The following CPSF7 variants were observed in gnomAD, a reference collection of about 807,000 sequenced individuals.
CPSF7 encodes cleavage and polyadenylation specific factor 7, also known as cleavage and polyadenylation specificity factor subunit 7.
A neutral mutation model predicts 44.3 loss-of-function variants in CPSF7; 1 was observed. That is an observed-to-expected ratio of 0.02 (90% CI 0.01 to 0.11). The LOEUF is 0.11. Ranked by LOEUF, CPSF7 falls within the 10% of genes least tolerant of loss-of-function variation. The pLI is 1.00. For missense variants in CPSF7, 443 were observed against 607.2 expected (o/e 0.73, Z 2.84); for synonymous variants, 202 against 222.0 (o/e 0.91, Z 0.80).
At chr11:61,422,442 TA>T (rs1440892483) in intron 2 of CPSF7, among the ~76,000 whole-genome samples, 1 of 152,062 alleles carries the variant, frequency 6.6e-6, no homozygotes, top group Non-Finnish European at 1.5e-5. Flanking sequence ...GTCTCCCAAG[TA>T]ACTGGGGACT....
At chr11:61,409,154 A>C (rs914521373) in intron 9 of CPSF7, among the ~76,000 whole-genome samples, 1 of 152,034 alleles carries the variant, frequency 6.6e-6, no homozygotes, top group African/African-American at 2.4e-5. Context: ...CTATTAAAAA[A>C]ACAAAAACAA....
chr11:61,429,559 G>C, intron 1 of CPSF7: 2 of 597,494 alleles, frequency 3.3e-6, no homozygotes, highest in Non-Finnish European at 5.6e-6. Context: ...TCCCACCCTC[G>C]GGTCCTAGTG....
At chr11:61,423,017 C>T (rs979788151) in intron 2 of CPSF7, among the ~76,000 whole-genome samples, 1 of 144,288 alleles carries the variant, frequency 6.9e-6, no homozygotes, top group Non-Finnish European at 1.5e-5. Flanking sequence ...TCTATAGTCC[C>T]AGCTACTCGA....
chr11:61,415,129 T>C (rs1860199357), intron 7 of CPSF7, among the ~76,000 whole-genome samples: 1 of 152,154 alleles, frequency 6.6e-6, no homozygotes, highest in Non-Finnish European at 1.5e-5. Context: ...TCCCAGCTAC[T>C]TGGGAGGCTG....
intron 1 of CPSF7, chr11:61,429,666 C>T (rs1861764672): frequency 7.1e-7 from 1 of 1,406,738 alleles, no homozygotes; most frequent in East Asian, 2.5e-5. Context: ...GCCAGAGCCC[C>T]CAGGTGTCAA....
Position 61,416,182 on chromosome 11 carries a change from G to A in CPSF7, c.861C>T (p.Phe287=), listed in dbSNP as rs368116026. 1.3e-5 allele frequency: 20 copies of A among 1,520,048 alleles called. No individual in the cohort carries two copies. Among genetic ancestry groups the A allele is most frequent in the Non-Finnish European group, 1.7e-5 (19 of 1,136,658 alleles). 94.2% of individuals were successfully genotyped at this position (1,520,048 alleles called of 1,614,324 possible). A position where few individuals can be genotyped will look rare whatever the true frequency, so the allele number is the denominator to read the frequency against. The part of the protein sequence containing the change: ...PPALHLNPAF[F]PPPNATVGPP... ...GCCCCACTGTAGCGTTTGGTGGGGGGAAGAAGGCTGGATTGAGGTGAAGGG... is the reference window on the plus strand; with the variant it reads ...GCCCCACTGTAGCGTTTGGTGGGGGAAAGAAGGCTGGATTGAGGTGAAGGG... Residue 287 remains phenylalanine (F), a synonymous_variant, in exon 6 of 10, where the codon TTC becomes TTT. Coordinates refer to ENST00000439958, the MANE Select transcript of CPSF7 (RefSeq NM_001142565.3).
chr11:61,411,868 T>C lies in CPSF7; in HGVS notation c.1127A>G (p.Asn376Ser), dbSNP rs1054948343. The change falls in exon 8 of 10, where the codon AAT (asparagine) becomes AGT (serine). Residue 376 changes from asparagine to serine, a missense_variant. Coordinates refer to ENST00000439958, the MANE Select transcript of CPSF7 (RefSeq NM_001142565.3). ...GATGAGGACACGGCAACGCTCATCA[T>C]TGGCAACCCGGGACTGTTTGATAAC... Reference protein sequence around the residue: ...IAVIKQSRVANDERCRVLISS... With the variant: ...IAVIKQSRVASDERCRVLISS... 8.7e-6 allele frequency: 14 copies of C among 1,614,064 alleles called. No individual in the cohort carries two copies. Among genetic ancestry groups the C allele is most frequent in the East Asian group, 6.7e-5 (3 of 44,906 alleles).
chr11:61,424,037 T>A (rs560122114), intron 2 of CPSF7, among the ~76,000 whole-genome samples: 40 of 152,128 alleles, frequency 2.6e-4, no homozygotes, highest in African/African-American at 8.9e-4. Flanking sequence ...AAAAAGAATA[T>A]CAAGAGACAG....
chr11:61,406,582 G>A (rs1023792268), intron 9 of CPSF7, among the ~76,000 whole-genome samples: 1 of 152,180 alleles, frequency 6.6e-6, no homozygotes, highest in Non-Finnish European at 1.5e-5. Context: ...CAGGAAAAGT[G>A]AGGAAGTAGA....
At chr11:61,406,326 C>G (rs1169999186) in intron 9 of CPSF7, among the ~76,000 whole-genome samples, 5 of 152,176 alleles carry the variant, frequency 3.3e-5, no homozygotes, top group Non-Finnish European at 7.3e-5. Context: ...ATGTACCTTT[C>G]ACTCTCAGGG....
At position 61,407,444 on chromosome 11, in the gene CPSF7, C is replaced by G. The variant is rs531845953; in HGVS notation, c.*6-2740G>C. Among the ~76,000 whole-genome samples, 52 of 152,338 alleles carry G rather than the reference C, an allele frequency of 3.4e-4. 1 individual carries two copies. In the South Asian group the frequency reaches 9.3e-3, roughly 27 times the overall value. Reference sequence around the variant, plus strand: ...ACTGGACCAAGACCAACTCTAATGCCTGCCCTCATGCCCACCTGAGACTGA... The same window carrying G: ...ACTGGACCAAGACCAACTCTAATGCGTGCCCTCATGCCCACCTGAGACTGA... On this transcript the variant is annotated intron_variant, in intron 9 of 9. Coordinates refer to ENST00000439958, the MANE Select transcript of CPSF7 (RefSeq NM_001142565.3).
intron 2 of CPSF7, 106 bp downstream of exon 2, chr11:61,429,076 G>C: frequency 1.5e-6 from 1 of 656,218 alleles, no homozygotes; most frequent in Non-Finnish European, 2.8e-6. Flanking sequence ...CCGGATAGAC[G>C]CGTGTTCAAG....
chr11:61,415,443 A>C (rs1482422424), intron 7 of CPSF7, among the ~76,000 whole-genome samples: 1 of 152,160 alleles, frequency 6.6e-6, no homozygotes, highest in Non-Finnish European at 1.5e-5. Flanking sequence ...CTAGGCATTA[A>C]GTTGGTTTTC....
chr11:61,412,668 T>C (rs186663383), intron 7 of CPSF7, among the ~76,000 whole-genome samples: 124 of 152,336 alleles, frequency 8.1e-4, no homozygotes, highest in African/African-American at 2.5e-3. Context: ...ACATTATTAA[T>C]GTACTATTAA....
chr11:61,418,085 AG>A (rs1201982821), intron 5 of CPSF7, among the ~76,000 whole-genome samples: 2 of 152,242 alleles, frequency 1.3e-5, no homozygotes, highest in Non-Finnish European at 2.9e-5. Flanking sequence ...CAACTTGTCA[AG>A]GAAGAAGAGT....
intron 2 of CPSF7, among the ~76,000 whole-genome samples, chr11:61,424,171 T>C (rs1861146422): frequency 5.3e-5 from 8 of 152,082 alleles, no homozygotes; most frequent in Admixed American, 4.6e-4. Flanking sequence ...ATGTAAAGAA[T>C]GAGGAGAGAA....
chr11:61,428,267 G>T (rs938150245), intron 2 of CPSF7, among the ~76,000 whole-genome samples: 14 of 152,162 alleles, frequency 9.2e-5, no homozygotes, highest in African/African-American at 3.1e-4. Context: ...CTGCAGCCTT[G>T]AATTCCTGGG....
At chr11:61,416,013 C>G (rs1332472025) in intron 6 of CPSF7, 92 bp downstream of exon 6, 1 of 1,201,336 alleles carries the variant, frequency 8.3e-7, no homozygotes, top group African/African-American at 1.5e-5. Context: ...AGGGAAAGAA[C>G]AAGGATTCAG....
At chr11:61,419,890 A>AACCCC in intron 5 of CPSF7, 59 bp downstream of exon 5, 1 of 1,531,794 alleles carries the variant, frequency 6.5e-7, no homozygotes, top group South Asian at 1.2e-5. Context: ...ACCCACAAAC[A>AACCCC]CCCCCCCCTC....
Sources: gnomAD v4.1 joint callset for allele counts (sites outside exome capture counted in the v4.1 genomes callset) on GRCh38, gnomAD v4.1.1 for gene constraint, MANE v1.5 for transcripts, NCBI Gene and HGNC (gene_info 2026-07-23, HGNC 2026-07-21) for gene names.